The following RAB3GAP1 variants were observed in gnomAD, a reference collection of about 807,000 sequenced individuals.
RAB3GAP1 encodes rab3 GTPase-activating protein catalytic subunit.
RAB3GAP1 carries 86 observed loss-of-function variants against 130.7 expected under a neutral mutation model. The observed-to-expected ratio is 0.66, with a 90% CI of 0.55 to 0.79. The LOEUF is 0.79. Among genes scored for constraint, RAB3GAP1 ranks in the 30% least tolerant of loss-of-function variants. The pLI, the probability that RAB3GAP1 is intolerant of heterozygous loss-of-function variation, is 0.00. For missense variants in RAB3GAP1, 1,029 were observed against 1,169.4 expected (o/e 0.88, Z 1.75); for synonymous variants, 367 against 401.7 (o/e 0.91, Z 1.03).
intron 23 of RAB3GAP1, among the ~76,000 whole-genome samples, chr2:135,166,446 T>A (rs1287378742): frequency 6.6e-6 from 1 of 152,136 alleles, no homozygotes; most frequent in African/African-American, 2.4e-5. Flanking sequence ...ACTCCTAGGT[T>A]TAAGCAATCC....
chr2:135,135,115 C>T lies in RAB3GAP1; in HGVS notation c.1500-150C>T, dbSNP rs10204249. 8.2e-3 allele frequency: 5,558 copies of T among 678,382 alleles called. 187 individuals carry two copies. In the African/African-American group the frequency reaches 0.084, roughly 10 times the overall value. The allele number at this position is 678,382 out of a possible 1,614,324, so 42.0% of individuals were successfully genotyped here. On this transcript the variant is annotated intron_variant, in intron 15 of 23. Transcript: ENST00000264158. The stretch of plus-strand genomic sequence containing the variant: ...TTTTCATCTTTTAATTCTATGTGCT[C>T]CCCCTCTGGAATTCACTTACCTTAC...
chr2:135,147,066 C>T (rs1692017641), intron 17 of RAB3GAP1, among the ~76,000 whole-genome samples: 1 of 151,980 alleles, frequency 6.6e-6, no homozygotes, highest in Non-Finnish European at 1.5e-5. Context: ...TTGTTTAGGG[C>T]TGGGTGAGGT....
Position 135,115,202 on chromosome 2 carries a change from A to G in RAB3GAP1, c.483-14A>G, listed in dbSNP as rs1316386593. 2.5e-6 allele frequency: 4 copies of G among 1,599,100 alleles called. No individual in the cohort carries two copies. The highest frequency in any genetic ancestry group is 2.6e-6 in the Non-Finnish European group (3 of 1,166,642). The stretch of plus-strand genomic sequence containing the variant: ...TGAGCTTGTATTCCATTCCTATTTA[A>G]TCATGTCTTGCAGTCAGGTGCCACT... On this transcript the variant is annotated splice_polypyrimidine_tract_variant and intron_variant, in intron 6 of 23. Coordinates refer to ENST00000264158, the MANE Select transcript of RAB3GAP1 (RefSeq NM_012233.3).
intron 18 of RAB3GAP1, among the ~76,000 whole-genome samples, chr2:135,151,313 C>A (rs1424342600): frequency 6.6e-6 from 1 of 152,184 alleles, no homozygotes; most frequent in Admixed American, 6.5e-5. Flanking sequence ...TTTATTTAAC[C>A]TGTGGTGGCC....
intron 3 of RAB3GAP1, among the ~76,000 whole-genome samples, chr2:135,061,668 T>C (rs1259759546): frequency 6.6e-6 from 1 of 152,188 alleles, no homozygotes; most frequent in Non-Finnish European, 1.5e-5. Context: ...GTAGGAGTTC[T>C]TTTAGTTTTT....
chr2:135,174,407 T>C (rs891879085), downstream of RAB3GAP1, among the ~76,000 whole-genome samples: 1 of 152,214 alleles, frequency 6.6e-6, no homozygotes, highest in Non-Finnish European at 1.5e-5. Context: ...CAGGAGGCAG[T>C]CTCCGTCCCT....
intron 3 of RAB3GAP1, among the ~76,000 whole-genome samples, chr2:135,084,396 C>T (rs1427909437): frequency 6.6e-6 from 1 of 152,210 alleles, no homozygotes; most frequent in African/African-American, 2.4e-5. Context: ...CATTGTGAGT[C>T]ATCCTTTTAC....
chr2:135,053,739 A>G (rs1334505318), intron 2 of RAB3GAP1, among the ~76,000 whole-genome samples: 3 of 152,086 alleles, frequency 2.0e-5, no homozygotes, highest in Non-Finnish European at 4.4e-5. Context: ...GGAAAAGCAG[A>G]AACTTGACCC....
At chr2:135,117,519 TCTGCTTCTTCTG>T (rs1574126196) in intron 7 of RAB3GAP1, among the ~76,000 whole-genome samples, 6 of 95,402 alleles carry the variant, frequency 6.3e-5, no homozygotes, top group Admixed American at 1.1e-4. Flanking sequence ...TTCTGCTTCT[TCTGCTTCTTCTG>T]CTTCTTCTTC....
At chr2:135,115,442 C>G in intron 7 of RAB3GAP1, 61 bp downstream of exon 7, 1 of 1,497,184 alleles carries the variant, frequency 6.7e-7, no homozygotes, top group Non-Finnish European at 9.2e-7. Context: ...GAGATTTGAT[C>G]ATTTTATTCA....
At chr2:135,108,188 C>T (rs1189717136) in intron 5 of RAB3GAP1, among the ~76,000 whole-genome samples, 1 of 151,998 alleles carries the variant, frequency 6.6e-6, no homozygotes, top group African/African-American at 2.4e-5. Flanking sequence ...GGATGGGATG[C>T]TAAAGCACAT....
At chr2:135,106,102 T>A (rs1176776646) in intron 5 of RAB3GAP1, among the ~76,000 whole-genome samples, 1 of 145,858 alleles carries the variant, frequency 6.9e-6, no homozygotes, top group African/African-American at 2.6e-5. Flanking sequence ...GAGGTGGGGG[T>A]CAGCCCCCGC....
chr2:135,115,153 T>G lies in RAB3GAP1; in HGVS notation c.483-63T>G, dbSNP rs540244950. On this transcript the variant is annotated intron_variant, in intron 6 of 23. Transcript: ENST00000264158. The stretch of plus-strand genomic sequence containing the variant: ...GAGATTAAAATAATTTGGAAAAAAT[T>G]TGAGGTTCAGGTTTAATGTTTAATG... The G allele has an allele frequency of 1.5e-5, 22 of 1,471,612 alleles. No homozygotes were observed. In the African/African-American group the frequency reaches 2.5e-4, roughly 17 times the overall value. 91.2% of individuals were successfully genotyped at this position (1,471,612 alleles called of 1,614,324 possible). A position where few individuals can be genotyped will look rare whatever the true frequency, so the allele number is the denominator to read the frequency against.
chr2:135,085,349 G>T (rs1689943986), intron 3 of RAB3GAP1, among the ~76,000 whole-genome samples: 1 of 152,130 alleles, frequency 6.6e-6, no homozygotes, highest in Non-Finnish European at 1.5e-5. Flanking sequence ...ACTGATAGAG[G>T]TCACTGTTAC....
Position 135,133,865 on chromosome 2 carries a change from T to C in RAB3GAP1, c.1331T>C (p.Leu444Pro). The change falls in exon 15 of 24, where the codon CTC becomes CCC. Residue 444 changes from leucine to proline, a missense_variant. Physicochemically the swap from Leu to Pro is moderately conservative, Grantham distance 98. Around this residue, in one of 3 missense-constraint regions of RAB3GAP1, gnomAD observed 510 missense variants for 532.1 expected, o/e 0.96. Coordinates refer to ENST00000264158, the MANE Select transcript of RAB3GAP1 (RefSeq NM_012233.3). Reference sequence around the variant, plus strand: ...TTTCTATTTTGTTAAATTTAGAATCTCTACAATCAGTTCAAGTCTGCACCA... The same window carrying C: ...TTTCTATTTTGTTAAATTTAGAATCCCTACAATCAGTTCAAGTCTGCACCA... ...NPPSESEDYN[L>P]YNQFKSAPSD... 6.2e-7 allele frequency: 1 copy of C among 1,613,430 alleles called. No individual in the cohort carries two copies. The highest frequency in any genetic ancestry group is 8.5e-7 in the Non-Finnish European group (1 of 1,179,422).
Position 135,125,345 on chromosome 2 carries a change from A to T in RAB3GAP1, c.831-836A>T, listed in dbSNP as rs373799521. Among the ~76,000 whole-genome samples the T allele has an allele frequency of 2.6e-5, 4 of 152,194 alleles. No homozygotes were observed. The East Asian group carries it at 7.7e-4, about 29-fold the overall frequency. On this transcript the variant is annotated intron_variant, in intron 9 of 23. Transcript: ENST00000264158. ...TGGTATGTTGCAAGATCCCCAGTGG[A>T]TGACTGAAAACATGGATAGTACCAC...
chr2:135,117,726 T>TCTG (rs1558784737), intron 7 of RAB3GAP1, among the ~76,000 whole-genome samples: 2 of 148,158 alleles, frequency 1.3e-5, no homozygotes, highest in African/African-American at 5.1e-5. Context: ...TTCTTCTGCT[T>TCTG]CTTCTTCTTC....
At chr2:135,126,119 A>G (rs1691339443) in intron 9 of RAB3GAP1, 62 bp from the exon 10 acceptor site, 3 of 1,203,946 alleles carry the variant, frequency 2.5e-6, no homozygotes, top group African/African-American at 1.5e-5. Flanking sequence ...AGTTTTCTAG[A>G]AGTATTAAAT....
intron 3 of RAB3GAP1, among the ~76,000 whole-genome samples, chr2:135,068,447 A>T (rs901650333): frequency 1.3e-5 from 2 of 151,760 alleles, no homozygotes; most frequent in East Asian, 1.9e-4. Context: ...GACTATAAAA[A>T]TTTTTCTTAA....
Sources: allele counts gnomAD v4.1 joint callset (sites outside exome capture counted in the v4.1 genomes callset), GRCh38; gene constraint gnomAD v4.1.1; regional missense constraint gnomAD v4.1.1; transcripts MANE v1.5; gene names NCBI Gene and HGNC (gene_info 2026-07-23, HGNC 2026-07-21).